Variants in CCK observed in about 807,000 individuals in gnomAD.
The protein encoded by CCK is cholecystokinin triacontatriapeptide.
A neutral mutation model predicts 10.1 loss-of-function variants in CCK; 11 were observed. The ratio of observed to expected loss-of-function variants is 1.09; its 90% CI spans 0.69 to 1.81. The LOEUF (loss-of-function observed/expected upper bound fraction) is 1.81. Among genes scored for constraint, CCK ranks in the 40% most tolerant of loss-of-function variants. The probability of loss-of-function intolerance (pLI) is 0.00; values close to 1 mark genes in which losing one functional copy is unlikely to be tolerated. For missense variants in CCK, 137 were observed against 159.9 expected (o/e 0.86, Z 0.77); for synonymous variants, 83 against 71.9 (o/e 1.15, Z -0.78).
chr3:42,258,989 G>A (rs898862533), intron 4 of CCK, among the ~76,000 whole-genome samples: 1 of 152,196 alleles, frequency 6.6e-6, no homozygotes, highest in African/African-American at 2.4e-5. Flanking sequence ...TAAAGAAAAT[G>A]TGGCACATTT....
rs758940296 is a variant in CCK at position 42,263,412 on chromosome 3, C to A, written c.214+5G>T. The A allele has an allele frequency of 1.2e-6, 2 of 1,614,182 alleles. No individual in the cohort carries two copies. The highest frequency in any genetic ancestry group is 2.2e-5 in the South Asian group (2 of 91,078). On this transcript the variant is annotated splice_donor_5th_base_variant and intron_variant, in intron 4 of 4. Transcript: ENST00000396169. ...AAGTGAGGGATGGGGAGGCAGCATT[C>A]TTACCTTTCCGGGCCTGCTGGATGT...
chr3:42,259,256 C>T (rs890213026), intron 4 of CCK, among the ~76,000 whole-genome samples: 1 of 152,140 alleles, frequency 6.6e-6, no homozygotes, highest in Non-Finnish European at 1.5e-5. Flanking sequence ...ATGTAGATGA[C>T]TGGTTGATGG....
chr3:42,263,391 G>A, intron 4 of CCK, 26 bp downstream of exon 4: 1 of 1,614,162 alleles, frequency 6.2e-7, no homozygotes, highest in Non-Finnish European at 8.5e-7. Flanking sequence ...GGGCAGAAGT[G>A]AGGGATGGGG....
chr3:42,263,645 AAGG>A lies in CCK; in HGVS notation c.-2-16_-2-14del, dbSNP rs1188701605. ...CCGCTGTTCATGGCTGTAGCGAGCA[AAGG>A]AGGAGGGCGCGTTAACTGAAAGGCT... On this transcript the variant is annotated splice_polypyrimidine_tract_variant and intron_variant, in intron 3 of 4. Coordinates refer to ENST00000396169, the MANE Select transcript of CCK (RefSeq NM_000729.6). The A allele has an allele frequency of 6.5e-7, 1 of 1,527,096 alleles. No individual in the cohort carries two copies. The highest frequency in any genetic ancestry group is 2.2e-5 in the Admixed American group (1 of 46,468). The allele number at this position is 1,527,096 out of a possible 1,614,324, so 94.6% of individuals were successfully genotyped here.
intron 1 of CCK, 45 bp downstream of exon 1, chr3:42,265,639 G>C (rs1358368868): frequency 6.6e-6 from 1 of 152,312 alleles, no homozygotes; most frequent in African/African-American, 2.4e-5. Flanking sequence ...TCCGCCCCTC[G>C]CACCTTTCCT....
rs1359535145 is a variant in CCK, at chr3:42,258,055, G to T, written c.*43C>A. Reference sequence around the variant, plus strand: ...TGTTTTCTTATTCTGCCTCCTCTGGGTTGGGAGGTTGCTTCCCGTTGGGCT... The same window carrying T: ...TGTTTTCTTATTCTGCCTCCTCTGGTTTGGGAGGTTGCTTCCCGTTGGGCT... On this transcript the variant is annotated 3_prime_UTR_variant, in exon 5 of 5. Coordinates refer to ENST00000396169, the MANE Select transcript of CCK (RefSeq NM_000729.6). 6.3e-7 allele frequency: 1 copy of T among 1,585,338 alleles called. No homozygotes were observed. The highest frequency in any genetic ancestry group is 1.4e-5 in the African/African-American group (1 of 73,806).
At chr3:42,262,736 A>G (rs1369731398) in intron 4 of CCK, among the ~76,000 whole-genome samples, 1 of 131,268 alleles carries the variant, frequency 7.6e-6, no homozygotes, top group Non-Finnish European at 1.7e-5. Context: ...TCAGGTCAGA[A>G]TTGCCTGCAT....
intron 4 of CCK, among the ~76,000 whole-genome samples, chr3:42,258,712 A>G (rs1370345773): frequency 6.6e-6 from 1 of 152,188 alleles, no homozygotes; most frequent in Non-Finnish European, 1.5e-5. Context: ...TGGCACAATT[A>G]TAATATCTTG....
intron 4 of CCK, 60 bp from the exon 5 acceptor site, chr3:42,258,291 A>T: frequency 1.3e-6 from 2 of 1,570,886 alleles, no homozygotes; most frequent in East Asian, 2.2e-5. Flanking sequence ...CTCTAGTTCA[A>T]TTTGGGAAGG....
rs1295362308 is a variant in CCK, at chr3:42,257,849, A to G, written c.*249T>C. ...GGCAGAATGAAATCACTTTAATAGC[A>G]TAACAACATTTTCAGACCAGGAGTC... On this transcript the variant is annotated 3_prime_UTR_variant, in exon 5 of 5. Coordinates refer to ENST00000396169, the MANE Select transcript of CCK (RefSeq NM_000729.6). 6.6e-6 allele frequency: 3 copies of G among 457,014 alleles called. No homozygotes were observed. The highest frequency in any genetic ancestry group is 2.0e-5 in the African/African-American group (1 of 50,932). The allele number at this position is 457,014 out of a possible 1,614,324, so 28.3% of individuals were successfully genotyped here.
rs1426539409 is a variant in CCK at position 42,263,422 on chromosome 3, C to T, written c.209G>A (p.Arg70Gln). Reference protein sequence around the residue: ...ALLARYIQQARKAPSGRMSIV... With the variant: ...ALLARYIQQAQKAPSGRMSIV... Reference sequence around the variant, plus strand: ...TGGGGAGGCAGCATTCTTACCTTTCCGGGCCTGCTGGATGTATCTTGCCAG... The same window carrying T: ...TGGGGAGGCAGCATTCTTACCTTTCTGGGCCTGCTGGATGTATCTTGCCAG... The change falls in exon 4 of 5, where the codon CGG (arginine) becomes CAG (glutamine). Residue 70 changes from arginine (R) to glutamine (Q), a missense_variant. Transcript: ENST00000396169. The T allele has an allele frequency of 2.5e-6, 4 of 1,614,032 alleles. No individual in the cohort carries two copies. Among genetic ancestry groups the T allele is most frequent in the African/African-American group, 1.3e-5 (1 of 74,920 alleles).
At chr3:42,259,621 A>G (rs1310401540) in intron 4 of CCK, among the ~76,000 whole-genome samples, 4 of 152,228 alleles carry the variant, frequency 2.6e-5, no homozygotes, top group African/African-American at 9.6e-5. Context: ...CCAAAATGCA[A>G]TAACTGAACC....
At position 42,258,112 on chromosome 3, in the gene CCK, C is replaced by G; in HGVS notation, c.334G>C (p.Glu112Gln). The change falls in exon 5 of 5, where the codon GAG becomes CAG. Residue 112 changes from glutamate to glutamine, a missense_variant. Transcript: ENST00000396169. ...DFGRRSAEEY[E>Q]YPS ...GGCTGGGTCCTCTAGGAGGGGTACT[C>G]ATACTCCTCGGCACTGCGACGGCCA... The G allele has an allele frequency of 1.2e-6, 2 of 1,613,832 alleles. No homozygotes were observed. Among genetic ancestry groups the G allele is most frequent in the Non-Finnish European group, 1.7e-6 (2 of 1,179,926 alleles).
chr3:42,261,339 G>A (rs1442625510), intron 4 of CCK, among the ~76,000 whole-genome samples: 1 of 152,114 alleles, frequency 6.6e-6, no homozygotes, highest in African/African-American at 2.4e-5. Flanking sequence ...TATAGAAACT[G>A]TGCAGTATCT....
chr3:42,263,972 A>C, intron 3 of CCK: 1 of 262,076 alleles, frequency 3.8e-6, no homozygotes, highest in Non-Finnish European at 7.1e-6. Context: ...AGAAAAATAA[A>C]ACCCCACGAG....
At chr3:42,263,847 AC>A in intron 3 of CCK, 1 of 640,272 alleles carries the variant, frequency 1.6e-6, no homozygotes, top group Non-Finnish European at 2.4e-6. Flanking sequence ...GGAACTCCTC[AC>A]CCAGCGCCAA....
chr3:42,265,398 C>CACA lies in CCK; in HGVS notation c.-346_-344dup, dbSNP rs1327055063. 2 of 152,400 alleles carry CACA rather than the reference C, an allele frequency of 1.3e-5. No homozygotes were observed. Among genetic ancestry groups the CACA allele is most frequent in the Admixed American group, 6.5e-5 (1 of 15,298 alleles). The allele number at this position is 152,400 out of a possible 1,614,324, so 9.4% of individuals were successfully genotyped here. On this transcript the variant is annotated 5_prime_UTR_variant, in exon 2 of 5. Transcript: ENST00000396169. ...TCTGGGTCAGTGAAAGGGCTCTGGC[C>CACA]ACAGCTGGCTCTTGGTGTCCTGGGC...
At position 42,263,481 on chromosome 3, in the gene CCK, C is replaced by T. The variant is rs1241475595; in HGVS notation, c.150G>A (p.Thr50=). The T allele has an allele frequency of 6.2e-7, 1 of 1,614,182 alleles. No individual in the cohort carries two copies. The highest frequency in any genetic ancestry group is 8.5e-7 in the Non-Finnish European group (1 of 1,180,026). The change falls in exon 4 of 5, where the codon ACG becomes ACA. Residue 50 remains threonine (T), a synonymous_variant. Coordinates refer to ENST00000396169, the MANE Select transcript of CCK (RefSeq NM_000729.6). ...CCAGGTGCGCTCGGGACTCGCCATC[C>T]GTTCTCTGCGATACCCTCAGCTGCC... ...PRRQLRVSQR[T]DGESRAHLGA... is the part of the protein sequence containing the mutation.
rs11571872 is a variant in CCK, at chr3:42,258,638, T to C, written c.215-407A>G. On this transcript the variant is annotated intron_variant, in intron 4 of 4. Coordinates refer to ENST00000396169, the MANE Select transcript of CCK (RefSeq NM_000729.6). ...AAAGATTTTTCCAGTACTTAATTGT[T>C]CCTAAATTCATCCCTTAATATCCAT... Among the ~76,000 whole-genome samples, 558 of 152,256 alleles carry C rather than the reference T, an allele frequency of 3.7e-3. 2 individuals carry two copies. Among genetic ancestry groups the C allele is most frequent in the African/African-American group, 0.013 (527 of 41,548 alleles).
Sources: gnomAD v4.1 joint callset for allele counts (sites outside exome capture counted in the v4.1 genomes callset) on GRCh38, gnomAD v4.1.1 for gene constraint, MANE v1.5 for transcripts, NCBI Gene and HGNC (gene_info 2026-07-23, HGNC 2026-07-21) for gene names.